MALSU1: variants seen among roughly 807,000 people sequenced by gnomAD.
MALSU1 encodes the protein mitochondrial assembly of ribosomal large subunit 1, also known as mitochondrial assembly of ribosomal large subunit protein 1.
In MALSU1, 22 loss-of-function variants were observed where a neutral mutation model predicts 22.1. That is an observed-to-expected ratio of 1.00 (90% CI 0.71 to 1.42). The LOEUF (loss-of-function observed/expected upper bound fraction) is 1.42, where lower values mean the gene tolerates loss of function less well. Among genes scored for constraint, MALSU1 ranks in the 40% most tolerant of loss-of-function variants. The pLI, the probability that MALSU1 is intolerant of heterozygous loss-of-function variation, is 0.00. For missense variants in MALSU1, 379 were observed against 308.3 expected (o/e 1.23, Z -1.72); for synonymous variants, 153 against 118.5 (o/e 1.29, Z -1.89).
At position 23,311,016 on chromosome 7, in the gene MALSU1, CTT is replaced by C. The variant is rs1301331398; in HGVS notation, c.*1476_*1477del. On this transcript the variant is annotated 3_prime_UTR_variant, in exon 4 of 4. Coordinates refer to ENST00000466681, the MANE Select transcript of MALSU1 (RefSeq NM_138446.2). The stretch of plus-strand genomic sequence containing the variant: ...AGTCATTCAAATTATATCCCAAAAA[CTT>C]TTCTTGTATTCTCTATCTTTTGACT... 3 of 152,084 alleles carry C rather than the reference CTT, an allele frequency of 2.0e-5. No homozygotes were observed. The highest frequency in any genetic ancestry group is 2.9e-5 in the Non-Finnish European group (2 of 68,014). The allele number at this position is 152,084 out of a possible 1,614,324, so 9.4% of individuals were successfully genotyped here.
At chr7:23,307,791 CAAAA>C (rs535472095) in intron 2 of MALSU1, 73 bp from the exon 3 acceptor site, 37 of 763,858 alleles carry the variant, frequency 4.8e-5, no homozygotes, top group South Asian at 7.4e-5. Flanking sequence ...AACAAACAAA[CAAAA>C]AAAAAAGACC....
chr7:23,309,170 C>T (rs1365061566), intron 3 of MALSU1, among the ~76,000 whole-genome samples, 186 bp from the exon 4 acceptor site: 2 of 152,192 alleles, frequency 1.3e-5, no homozygotes, highest in Non-Finnish European at 1.5e-5. Flanking sequence ...CCTGTAGGTA[C>T]ACTGAGAAAG....
rs2128488815 is a variant in MALSU1, at chr7:23,300,986, T to TA, written c.405dup (p.His136ThrfsTer17). ...GTTAGTGGAACTTCTACCCGACACTTACATGCCATGGCCTTCTACGTTGTG... is the reference window on the plus strand; with the variant it reads ...GTTAGTGGAACTTCTACCCGACACTTAACATGCCATGGCCTTCTACGTTGTG... On this transcript the variant is annotated frameshift_variant, in exon 2 of 4. Transcript: ENST00000466681. LOFTEE classifies it high-confidence loss of function. 1 of 1,614,044 alleles carries TA rather than the reference T, an allele frequency of 6.2e-7. No homozygotes were observed. Among genetic ancestry groups the TA allele is most frequent in the Non-Finnish European group, 8.5e-7 (1 of 1,179,974 alleles).
intron 2 of MALSU1, among the ~76,000 whole-genome samples, chr7:23,301,470 G>C (rs1783647323): frequency 6.6e-6 from 1 of 152,132 alleles, no homozygotes. Context: ...TGTTGGTCAG[G>C]CTGGTCTCAA....
At chr7:23,307,832 C>G (rs1783742217) in intron 2 of MALSU1, 36 bp from the exon 3 acceptor site, 1 of 1,408,456 alleles carries the variant, frequency 7.1e-7, no homozygotes, top group Non-Finnish European at 1.0e-6. Flanking sequence ...TTCCCCCATC[C>G]CCTCTCCCTT....
chr7:23,311,496 C>G lies in MALSU1; in HGVS notation c.*1953C>G, dbSNP rs1436699752. On this transcript the variant is annotated 3_prime_UTR_variant, in exon 4 of 4. Transcript: ENST00000466681. ...CTTTGTTAGTACCGTCAAAAACTTT[C>G]CCAACTATAAATGAAAGAATAAATG... is the stretch of plus-strand genomic sequence containing the variant. 1 of 152,416 alleles carries G rather than the reference C, an allele frequency of 6.6e-6. No homozygotes were observed. The highest frequency in any genetic ancestry group is 1.5e-5 in the Non-Finnish European group (1 of 68,028). The allele number at this position is 152,416 out of a possible 1,614,324, so 9.4% of individuals were successfully genotyped here.
Position 23,309,565 on chromosome 7 carries a change from G to A in MALSU1, c.*22G>A, listed in dbSNP as rs149202076. On this transcript the variant is annotated 3_prime_UTR_variant, in exon 4 of 4. Transcript: ENST00000466681. ...ATAAAATATTTTATGCACTGCGTTA[G>A]TCATTTCAGATTTGGATTGAGTCAC... is the stretch of plus-strand genomic sequence containing the variant. 1.7e-3 allele frequency: 2,632 copies of A among 1,553,458 alleles called. 32 individuals are homozygous for A. In the African/African-American group the frequency reaches 0.031, roughly 18 times the overall value.
At position 23,300,776 on chromosome 7, in the gene MALSU1, CTG is replaced by C. The variant is rs1783631544; in HGVS notation, c.257-62_257-61del. 22 of 1,390,568 alleles carry C rather than the reference CTG, an allele frequency of 1.6e-5. No homozygotes were observed. The South Asian group carries it at 2.8e-4, about 18-fold the overall frequency. 86.1% of individuals were successfully genotyped at this position (1,390,568 alleles called of 1,614,324 possible). A position where few individuals can be genotyped will look rare whatever the true frequency, so the allele number is the denominator to read the frequency against. ...GAGGAACAGTCAGCTGCCGGCATCT[CTG>C]GGTGCATACACGTCTATCTGCTTGG... On this transcript the variant is annotated intron_variant, in intron 1 of 3. Transcript: ENST00000466681.
At position 23,301,025 on chromosome 7, in the gene MALSU1, GCTTT is replaced by G; in HGVS notation, c.435+13_435+16del. ...TTCTACGTTGTGAAAATGGTAGGAT[GCTTT>G]CTTTTCTCTTTTGGACCATTAACTG... On this transcript the variant is annotated intron_variant, in intron 2 of 3. Transcript: ENST00000466681. 3 of 1,608,918 alleles carry G rather than the reference GCTTT, an allele frequency of 1.9e-6. No homozygotes were observed. Among genetic ancestry groups the G allele is most frequent in the Non-Finnish European group, 1.7e-6 (2 of 1,176,912 alleles).
In MALSU1 at chr7:23,299,368, C is replaced by G. The variant is rs375849242; in HGVS notation, c.16C>G (p.Arg6Gly). The G allele has an allele frequency of 1.3e-6, 2 of 1,582,004 alleles. No individual in the cohort carries two copies. The highest frequency in any genetic ancestry group is 1.3e-5 in the African/African-American group (1 of 74,482). Reference sequence around the variant, plus strand: ...GGCTGCTGCTATGGGGCCGGGCGGCCGTGTGGCGCGGCTGCTCGCCCCACT... The same window carrying G: ...GGCTGCTGCTATGGGGCCGGGCGGCGGTGTGGCGCGGCTGCTCGCCCCACT... MGPGGRVARLLAPLMW... is the reference protein window; with the variant it reads MGPGGGVARLLAPLMW... The change falls in exon 1 of 4, where the codon CGT (arginine) becomes GGT (glycine). Residue 6 changes from arginine to glycine, a missense_variant. By Grantham distance (125) the Arg-to-Gly change is moderately radical. Transcript: ENST00000466681.
intron 1 of MALSU1, 50 bp from the exon 2 acceptor site, chr7:23,300,789 C>T (rs1442305726): frequency 1.3e-6 from 2 of 1,509,220 alleles, no homozygotes; most frequent in Non-Finnish European, 1.8e-6. Flanking sequence ...GGTGCATACA[C>T]GTCTATCTGC....
intron 1 of MALSU1, 27 bp from the exon 2 acceptor site, chr7:23,300,812 A>T: frequency 6.2e-7 from 1 of 1,601,150 alleles, no homozygotes; most frequent in African/African-American, 1.3e-5. Flanking sequence ...GGCCATCCTG[A>T]TACAAACAAC....
At chr7:23,302,917 T>C (rs1427701539) in intron 2 of MALSU1, among the ~76,000 whole-genome samples, 1 of 152,136 alleles carries the variant, frequency 6.6e-6, no homozygotes, top group Non-Finnish European at 1.5e-5. Context: ...GGTGGGATTA[T>C]AGGCACCCAC....
chr7:23,306,227 T>G (rs1562657470), intron 2 of MALSU1, among the ~76,000 whole-genome samples: 2 of 152,142 alleles, frequency 1.3e-5, no homozygotes, highest in Non-Finnish European at 2.9e-5. Context: ...AAAAGTATTA[T>G]TCTGCTATTG....
chr7:23,309,037 T>C (rs1783765071), intron 3 of MALSU1, among the ~76,000 whole-genome samples: 1 of 152,244 alleles, frequency 6.6e-6, no homozygotes, highest in South Asian at 2.1e-4. Flanking sequence ...GTCAGTGTTT[T>C]TGCACAAAAG....
chr7:23,304,260 C>G (rs1029171749), intron 2 of MALSU1, among the ~76,000 whole-genome samples: 14 of 152,048 alleles, frequency 9.2e-5, no homozygotes, highest in African/African-American at 3.4e-4. Context: ...TTTTGAGGAG[C>G]TCCTGTATTC....
chr7:23,308,990 C>G (rs536673933), intron 3 of MALSU1, among the ~76,000 whole-genome samples: 1 of 152,284 alleles, frequency 6.6e-6, no homozygotes, highest in South Asian at 2.1e-4. Context: ...AGAATATTCA[C>G]GATACAAACA....
In MALSU1 at chr7:23,309,276, G is replaced by T; in HGVS notation, c.518-80G>T. ...TGAGAACCACTGCTTTATTCCTAGAGTTAGCCAGTGTGTGTTGTAAGGTAA... is the reference window on the plus strand; with the variant it reads ...TGAGAACCACTGCTTTATTCCTAGATTTAGCCAGTGTGTGTTGTAAGGTAA... On this transcript the variant is annotated intron_variant, in intron 3 of 3. Coordinates refer to ENST00000466681, the MANE Select transcript of MALSU1 (RefSeq NM_138446.2). 6 of 1,295,564 alleles carry T rather than the reference G, an allele frequency of 4.6e-6. 1 individual carries two copies. Among genetic ancestry groups the T allele is most frequent in the Non-Finnish European group, 6.4e-6 (6 of 938,634 alleles). 80.3% of individuals were successfully genotyped at this position (1,295,564 alleles called of 1,614,324 possible). A position where few individuals can be genotyped will look rare whatever the true frequency, so the allele number is the denominator to read the frequency against.
chr7:23,305,735 T>G (rs1783714372), intron 2 of MALSU1, among the ~76,000 whole-genome samples: 1 of 152,230 alleles, frequency 6.6e-6, no homozygotes, highest in African/African-American at 2.4e-5. Context: ...GATCTTGATA[T>G]AGATTGCACT....
Sources: gnomAD v4.1 joint callset for allele counts (sites outside exome capture counted in the v4.1 genomes callset) on GRCh38, gnomAD v4.1.1 for gene constraint, MANE v1.5 for transcripts, NCBI Gene and HGNC (gene_info 2026-07-23, HGNC 2026-07-21) for gene names.